Variants in FRMD6 observed in about 807,000 individuals in gnomAD.
The protein encoded by FRMD6 is FERM domain containing 6.
FRMD6 carries 37 observed loss-of-function variants against 73.2 expected under a neutral mutation model. The ratio of observed to expected loss-of-function variants is 0.51; its 90% CI spans 0.39 to 0.66. The LOEUF (loss-of-function observed/expected upper bound fraction) is 0.66. Ranked by LOEUF, FRMD6 falls within the 30% of genes least tolerant of loss-of-function variation. FRMD6 has a pLI of 0.00. For missense variants in FRMD6, 714 were observed against 780.5 expected, an observed-to-expected ratio of 0.91 and a Z score of 1.02; for synonymous variants, 273 against 282.2, an observed-to-expected ratio of 0.97 and a Z score of 0.33.
chr14:51,462,282 T>C, the FRMD6 span, among the ~76,000 whole-genome samples: 1 of 152,202 alleles, frequency 6.6e-6, no homozygotes, highest in Non-Finnish European at 1.5e-5. Context: ...TTCTCTTTTG[T>C]AAATGGGATG....
At chr14:51,721,417 C>G (rs1897556224) in intron 11 of FRMD6, among the ~76,000 whole-genome samples, 1 of 152,198 alleles carries the variant, frequency 6.6e-6, no homozygotes, top group South Asian at 2.1e-4. Context: ...CAAGGCCATT[C>G]TGGCCAACAT....
chr14:51,521,423 T>C (rs1884948044), intron 1 of FRMD6, among the ~76,000 whole-genome samples: 1 of 152,126 alleles, frequency 6.6e-6, no homozygotes, highest in African/African-American at 2.4e-5. Flanking sequence ...TGAAAGGAGG[T>C]TTATCCATAT....
intron 2 of FRMD6, among the ~76,000 whole-genome samples, chr14:51,574,217 G>T (rs547571933): frequency 6.6e-6 from 1 of 152,212 alleles, no homozygotes; most frequent in African/African-American, 2.4e-5. Context: ...TCAGAGTGAA[G>T]GGTGCAATAG....
intron 1 of FRMD6, among the ~76,000 whole-genome samples, chr14:51,687,359 G>A (rs573662604): frequency 2.9e-4 from 44 of 152,208 alleles, no homozygotes; most frequent in African/African-American, 1.0e-3. Flanking sequence ...AATTTAAGAT[G>A]CATTTAATCA....
chr14:51,664,974 G>GT (rs1405366598), intron 1 of FRMD6, among the ~76,000 whole-genome samples: 1 of 152,134 alleles, frequency 6.6e-6, no homozygotes, highest in Non-Finnish European at 1.5e-5. Context: ...AACTGAGCAA[G>GT]TTTTGAAATA....
chr14:51,566,484 G>A (rs1887782250), intron 1 of FRMD6, among the ~76,000 whole-genome samples: 2 of 152,190 alleles, frequency 1.3e-5, no homozygotes, highest in Non-Finnish European at 2.9e-5. Flanking sequence ...GACATTTTCT[G>A]AAAAATAGAA....
intron 1 of FRMD6, among the ~76,000 whole-genome samples, chr14:51,548,559 T>G (rs1368544085): frequency 1.3e-5 from 2 of 152,198 alleles, no homozygotes; most frequent in Non-Finnish European, 2.9e-5. Context: ...TGAAGCAATA[T>G]TTTGTCTTTC....
chr14:51,511,406 A>G (rs950243210), intron 1 of FRMD6, among the ~76,000 whole-genome samples: 2 of 152,230 alleles, frequency 1.3e-5, no homozygotes, highest in African/African-American at 4.8e-5. Context: ...AAAGTGATGT[A>G]TTAGGATAAC....
At position 51,585,923 on chromosome 14, in the gene FRMD6, A is replaced by ATG. The variant is rs144016037; in HGVS notation, c.-147+15529_-147+15530dup. ...TTATGGCTGAATAGTATGCCATGGC[A>ATG]TGTGTGTGTGTGTGTGTATATATAT... On this transcript the variant is annotated intron_variant, in intron 2 of 14. Coordinates refer to the FRMD6 transcript ENST00000356218. Among the ~76,000 whole-genome samples, 68 of 36,862 alleles carry ATG rather than the reference A, an allele frequency of 1.8e-3. 10 individuals carry two copies. Among genetic ancestry groups the ATG allele is most frequent in the African/African-American group, 3.8e-3 (56 of 14,868 alleles). The allele number at this position is 36,862 out of a possible 152,430, so 24.2% of individuals were successfully genotyped here.
chr14:51,703,955 G>C (rs1896480453), intron 5 of FRMD6, among the ~76,000 whole-genome samples: 2 of 151,896 alleles, frequency 1.3e-5, no homozygotes, highest in Admixed American at 1.3e-4. Flanking sequence ...AATATTTTTT[G>C]GAGCTTTTAC....
intron 2 of FRMD6, among the ~76,000 whole-genome samples, chr14:51,644,859 C>T (rs1310239928): frequency 1.3e-5 from 2 of 152,150 alleles, no homozygotes; most frequent in South Asian, 4.1e-4. Flanking sequence ...TACAAGAGAG[C>T]GTATTTCCTC....
At chr14:51,644,795 A>T (rs1384266525) in intron 2 of FRMD6, among the ~76,000 whole-genome samples, 4 of 152,238 alleles carry the variant, frequency 2.6e-5, no homozygotes, top group African/African-American at 7.2e-5. Context: ...TCAAGAAATC[A>T]CATGGAATGT....
chr14:51,441,219 G>A, the FRMD6 span, among the ~76,000 whole-genome samples: 3 of 152,206 alleles, frequency 2.0e-5, no homozygotes, highest in South Asian at 6.2e-4. Flanking sequence ...TAAGTATCAG[G>A]CAGCCTTGCC....
At chr14:51,720,591 G>T in intron 11 of FRMD6, 1 of 585,778 alleles carries the variant, frequency 1.7e-6, no homozygotes, top group Non-Finnish European at 3.0e-6. Context: ...GTGATCCTTT[G>T]CGGCCACAAG....
the FRMD6 span, among the ~76,000 whole-genome samples, chr14:51,442,017 C>T: frequency 2.0e-5 from 3 of 152,116 alleles, no homozygotes; most frequent in African/African-American, 7.2e-5. Context: ...TGTTATCATC[C>T]GTGTGTGTGC....
the FRMD6 span, among the ~76,000 whole-genome samples, chr14:51,406,563 A>G: frequency 6.6e-6 from 1 of 151,996 alleles, no homozygotes; most frequent in African/African-American, 2.4e-5. Context: ...ATTCCTAGGT[A>G]TTTTAGTCAT....
chr14:51,653,931 T>C (rs1464679488), intron 1 of FRMD6, among the ~76,000 whole-genome samples: 1 of 152,190 alleles, frequency 6.6e-6, no homozygotes, highest in African/African-American at 2.4e-5. Context: ...GGACATCTTC[T>C]CCAGAAAGCA....
At chr14:51,432,033 T>C in the FRMD6 span, among the ~76,000 whole-genome samples, 2 of 152,176 alleles carry the variant, frequency 1.3e-5, no homozygotes, top group Non-Finnish European at 2.9e-5. Context: ...AATTTGATAA[T>C]GGTACTAAAT....
the FRMD6 span, among the ~76,000 whole-genome samples, chr14:51,459,329 G>A: frequency 2.6e-5 from 4 of 152,160 alleles, no homozygotes; most frequent in South Asian, 4.1e-4. Context: ...GATTCTTGAG[G>A]CCACTTGAAA....
Sources: gnomAD v4.1 joint callset for allele counts (sites outside exome capture counted in the v4.1 genomes callset) on GRCh38, gnomAD v4.1.1 for gene constraint, MANE v1.5 for transcripts, NCBI Gene and HGNC (gene_info 2026-07-23, HGNC 2026-07-21) for gene names.